PAK1: variants seen among roughly 807,000 people sequenced by gnomAD.
The protein encoded by PAK1 is p21 (RAC1) activated kinase 1.
In PAK1, 29 loss-of-function variants were observed where a neutral mutation model predicts 67.4. The observed-to-expected ratio is 0.43, with a 90% CI of 0.32 to 0.59. The LOEUF (loss-of-function observed/expected upper bound fraction) is 0.59, where lower values mean the gene tolerates loss of function less well. Ranked by LOEUF, PAK1 falls within the 20% of genes least tolerant of loss-of-function variation. PAK1 has a pLI of 0.07. For synonymous variants in PAK1, 223 were observed against 237.4 expected (o/e 0.94, Z 0.56); for missense variants, 337 against 670.7 (o/e 0.50, Z 5.50).
At chr11:77,338,259 T>C (rs1943049016) in intron 11 of PAK1, among the ~76,000 whole-genome samples, 1 of 152,190 alleles carries the variant, frequency 6.6e-6, no homozygotes, top group Non-Finnish European at 1.5e-5. Context: ...TTTTAGAAAC[T>C]TCTACCAATT....
chr11:77,347,340 G>A (rs756803197), intron 9 of PAK1, among the ~76,000 whole-genome samples: 8 of 152,162 alleles, frequency 5.3e-5, no homozygotes, highest in South Asian at 2.1e-4. Context: ...GTGCTCTTGC[G>A]GCCCAAAACA....
intron 8 of PAK1, among the ~76,000 whole-genome samples, chr11:77,352,326 TCTAGCTTCTTTCACTCAAAATAACA>T (rs1945365870): frequency 6.6e-6 from 1 of 152,150 alleles, no homozygotes. Flanking sequence ...CTTTTTCATA[TCTAGCTTCTTTCACTCAAAATAACA>T]GCCAAACACT....
chr11:77,425,293 A>G (rs1360410987), intron 1 of PAK1, among the ~76,000 whole-genome samples: 2 of 151,770 alleles, frequency 1.3e-5, no homozygotes, highest in Non-Finnish European at 2.9e-5. Context: ...TTAATATAAA[A>G]TCTCAATCTA....
At chr11:77,503,238 G>A in the PAK1 span, among the ~76,000 whole-genome samples, 5 of 152,200 alleles carry the variant, frequency 3.3e-5, no homozygotes, top group Non-Finnish European at 1.5e-5. Flanking sequence ...AAACCAAGGA[G>A]TGGGTCTAAG....
At chr11:77,517,395 C>G in the PAK1 span, among the ~76,000 whole-genome samples, 1 of 152,178 alleles carries the variant, frequency 6.6e-6, no homozygotes, top group Non-Finnish European at 1.5e-5. Flanking sequence ...AGGGGCAGCC[C>G]TATGCAAACA....
At chr11:77,376,148 T>A (rs1949055661) in intron 4 of PAK1, among the ~76,000 whole-genome samples, 1 of 152,220 alleles carries the variant, frequency 6.6e-6, no homozygotes, top group Non-Finnish European at 1.5e-5. Flanking sequence ...ACTGCTAGTA[T>A]TTTTGAAGAT....
the PAK1 span, among the ~76,000 whole-genome samples, chr11:77,480,994 G>A: frequency 2.0e-5 from 3 of 152,164 alleles, no homozygotes; most frequent in East Asian, 3.9e-4. Context: ...TAATTTCATC[G>A]TGGTCAGGAG....
intron 1 of PAK1, among the ~76,000 whole-genome samples, chr11:77,405,961 T>C (rs1161308261): frequency 6.6e-6 from 1 of 152,162 alleles, no homozygotes; most frequent in Non-Finnish European, 1.5e-5. Flanking sequence ...TAAACGCAAT[T>C]GACCTCTCTT....
intron 1 of PAK1, among the ~76,000 whole-genome samples, chr11:77,470,061 C>T (rs1191057194): frequency 6.6e-6 from 1 of 152,112 alleles, no homozygotes; most frequent in Admixed American, 6.5e-5. Flanking sequence ...TGTCTCTTTA[C>T]TATGCCAAAA....
intron 1 of PAK1, among the ~76,000 whole-genome samples, chr11:77,471,564 A>C (rs1260056916): frequency 1.3e-5 from 2 of 152,218 alleles, no homozygotes; most frequent in Non-Finnish European, 2.9e-5. Flanking sequence ...GTGGAAGGGA[A>C]GCATTCCAGG....
At chr11:77,423,214 T>A (rs1955364395) in intron 1 of PAK1, among the ~76,000 whole-genome samples, 1 of 150,474 alleles carries the variant, frequency 6.6e-6, no homozygotes. Context: ...AGCAGAAGAA[T>A]GAAAAAGATC....
At chr11:77,396,757 T>G (rs987404511) in intron 1 of PAK1, among the ~76,000 whole-genome samples, 18 of 152,138 alleles carry the variant, frequency 1.2e-4, no homozygotes, top group African/African-American at 4.3e-4. Context: ...AATTTTGTGC[T>G]TTCTTAATCA....
At chr11:77,376,797 C>T (rs1398822587) in intron 4 of PAK1, among the ~76,000 whole-genome samples, 1 of 150,924 alleles carries the variant, frequency 6.6e-6, no homozygotes, top group Admixed American at 6.6e-5. Context: ...AAAAAATTAG[C>T]ATGGAAGATT....
chr11:77,398,526 G>A, intron 1 of PAK1, among the ~76,000 whole-genome samples: 1 of 151,714 alleles, frequency 6.6e-6, no homozygotes, highest in Non-Finnish European at 1.5e-5. Flanking sequence ...ATTCTTTTTT[G>A]TGGCTGAATA....
At chr11:77,344,479 A>G (rs1944104431) in intron 9 of PAK1, among the ~76,000 whole-genome samples, 1 of 152,232 alleles carries the variant, frequency 6.6e-6, no homozygotes, top group Non-Finnish European at 1.5e-5. Flanking sequence ...CTCTATCTAC[A>G]GAAATAAAAA....
chr11:77,336,798 G>T (rs1942765427), intron 12 of PAK1, among the ~76,000 whole-genome samples: 1 of 151,788 alleles, frequency 6.6e-6, no homozygotes, highest in Admixed American at 6.6e-5. Flanking sequence ...TGGTCTACTG[G>T]TCTTTACACC....
intron 14 of PAK1, 29 bp downstream of exon 14, chr11:77,332,701 T>C (rs777307906): frequency 1.2e-5 from 19 of 1,597,684 alleles, no homozygotes; most frequent in Non-Finnish European, 1.5e-5. Flanking sequence ...TTCCCTGAAT[T>C]AGGTGCTTCC....
At chr11:77,457,357 T>A (rs1957127537) in intron 1 of PAK1, among the ~76,000 whole-genome samples, 1 of 152,204 alleles carries the variant, frequency 6.6e-6, no homozygotes, top group African/African-American at 2.4e-5. Context: ...TCAACTTCTG[T>A]TTCCATGGTT....
At chr11:77,489,659 C>T in the PAK1 span, among the ~76,000 whole-genome samples, 108 of 152,004 alleles carry the variant, frequency 7.1e-4, 1 homozygote, top group South Asian at 0.021. Context: ...CTGTGTTGGC[C>T]GGGCTGGTCT....
Sources: gnomAD v4.1 joint callset for allele counts (sites outside exome capture counted in the v4.1 genomes callset) on GRCh38, gnomAD v4.1.1 for gene constraint, MANE v1.5 for transcripts, NCBI Gene and HGNC (gene_info 2026-07-23, HGNC 2026-07-21) for gene names.